Variants in LRP1B observed in about 807,000 individuals in gnomAD.
LRP1B encodes the protein LDL receptor related protein 1B, also known as low-density lipoprotein receptor-related protein 1B.
In LRP1B, 217 loss-of-function variants were observed where a neutral mutation model predicts 556.6. That is an observed-to-expected ratio of 0.39 (90% confidence interval 0.35 to 0.44). The LOEUF is 0.44. Ranked by LOEUF, LRP1B falls within the 20% of genes least tolerant of loss-of-function variation. LRP1B has a pLI of 1.00. For missense variants in LRP1B, 5,053 were observed against 5,620.8 expected (o/e 0.90, Z 3.23); for synonymous variants, 2,047 against 1,865.8 (o/e 1.10, Z -2.50).
intron 35 of LRP1B, among the ~76,000 whole-genome samples, chr2:140,729,018 G>A (rs1032065672): frequency 6.6e-6 from 1 of 151,780 alleles, no homozygotes; most frequent in African/African-American, 2.4e-5. Context: ...AATAAATTTA[G>A]TCATTTCATA....
intron 1 of LRP1B, among the ~76,000 whole-genome samples, chr2:141,878,728 A>T (rs941377065): frequency 1.3e-5 from 2 of 152,064 alleles, no homozygotes; most frequent in African/African-American, 4.8e-5. Flanking sequence ...GGGAAAAGTC[A>T]CTTAAGTTCT....
chr2:142,107,806 T>A (rs953422095), intron 1 of LRP1B, among the ~76,000 whole-genome samples: 2 of 147,052 alleles, frequency 1.4e-5, no homozygotes. Flanking sequence ...TTTTTTTTTT[T>A]TTTTTTTTTT....
intron 11 of LRP1B, among the ~76,000 whole-genome samples, chr2:141,043,897 T>A (rs1451193213): frequency 1.3e-5 from 2 of 151,962 alleles, no homozygotes; most frequent in African/African-American, 4.8e-5. Context: ...AACGCCTTTC[T>A]TCACAGAATT....
At chr2:140,854,060 TAA>T (rs33945219) in intron 27 of LRP1B, among the ~76,000 whole-genome samples, 13,110 of 108,608 alleles carry the variant, frequency 0.12, 444 homozygotes, top group South Asian at 0.14. Flanking sequence ...CATATCTGAA[TAA>T]AAAAAAAAAA....
chr2:142,091,959 A>G lies in LRP1B; in HGVS notation c.82+38689T>C, dbSNP rs570505311. ...TGGCATCCCTTCTTTCCTTTTTTCT[A>G]CTTTGAGTAGAGAAGCTATCTAAAC... On this transcript the variant is annotated intron_variant, in intron 1 of 90. Transcript: ENST00000389484. 3.5e-4 allele frequency among the ~76,000 whole-genome samples: 54 copies of G among 152,142 alleles called. No individual in the cohort carries two copies. In the South Asian group the frequency reaches 3.7e-3, roughly 10 times the overall value.
intron 3 of LRP1B, among the ~76,000 whole-genome samples, chr2:141,451,280 T>G (rs1038930434): frequency 1.3e-5 from 2 of 152,172 alleles, no homozygotes; most frequent in Non-Finnish European, 2.9e-5. Flanking sequence ...GTTCAATAAT[T>G]TGTATCCATC....
chr2:140,601,608 G>T lies in LRP1B; in HGVS notation c.6831C>A (p.His2277Gln). The T allele has an allele frequency of 6.2e-7, 1 of 1,602,852 alleles. No homozygotes were observed. Among genetic ancestry groups the T allele is most frequent in the Non-Finnish European group, 8.5e-7 (1 of 1,173,034 alleles). ...NVGSVEGLAY[H>Q]RAWDTLYWTS... ...TCCAGTACAGTGTATCCCAGGCTCT[G>T]TGATAGGCAAGTCCTTCCACAGAAC... Residue 2277 changes from histidine (H) to glutamine (Q), a missense_variant, in exon 42 of 91, where the codon CAC (histidine) becomes CAA (glutamine). Transcript: ENST00000389484.
chr2:141,132,717 T>TA (rs977911322), intron 7 of LRP1B, among the ~76,000 whole-genome samples: 2 of 151,596 alleles, frequency 1.3e-5, no homozygotes, highest in East Asian at 1.9e-4. Flanking sequence ...CTATCCAACT[T>TA]AAAAAAAAGT....
chr2:141,731,737 A>T (rs1693281992), intron 2 of LRP1B, among the ~76,000 whole-genome samples: 1 of 151,664 alleles, frequency 6.6e-6, no homozygotes, highest in South Asian at 2.1e-4. Flanking sequence ...AAATTACTTA[A>T]CTCTTCTGTA....
At chr2:141,319,459 A>G (rs983810) in intron 3 of LRP1B, among the ~76,000 whole-genome samples, 130,631 of 151,892 alleles carry the variant, frequency 0.86, 56,332 homozygotes, top group Middle Eastern at 0.93. Context: ...AACATATAGT[A>G]TATCACATAC....
At chr2:141,165,623 C>A (rs1558904776) in intron 7 of LRP1B, among the ~76,000 whole-genome samples, 1 of 151,790 alleles carries the variant, frequency 6.6e-6, no homozygotes, top group African/African-American at 2.4e-5. Context: ...TCATTCTCAA[C>A]CATATAATAT....
chr2:141,235,781 T>G (rs997131035), intron 5 of LRP1B, among the ~76,000 whole-genome samples: 12 of 152,164 alleles, frequency 7.9e-5, no homozygotes, highest in Admixed American at 6.6e-5. Flanking sequence ...AGAACATCCC[T>G]TTGATTCGGC....
chr2:141,414,862 A>T (rs1691026841), intron 3 of LRP1B, among the ~76,000 whole-genome samples: 1 of 152,214 alleles, frequency 6.6e-6, no homozygotes, highest in Non-Finnish European at 1.5e-5. Context: ...TCAACAGAAC[A>T]TTTAAATCAA....
chr2:140,522,547 CAGA>C (rs1690226967), intron 49 of LRP1B, among the ~76,000 whole-genome samples: 1 of 151,514 alleles, frequency 6.6e-6, no homozygotes, highest in African/African-American at 2.4e-5. Context: ...CCAGAGTCAA[CAGA>C]AGAAAAAAAC....
At chr2:141,938,432 T>C (rs763295868) in intron 1 of LRP1B, among the ~76,000 whole-genome samples, 15 of 152,050 alleles carry the variant, frequency 9.9e-5, no homozygotes, top group Non-Finnish European at 1.8e-4. Flanking sequence ...ATAAAGAAGA[T>C]AAGAGATAAA....
At chr2:140,362,599 T>C (rs114237848) in intron 72 of LRP1B, among the ~76,000 whole-genome samples, 2,270 of 151,768 alleles carry the variant, frequency 0.015, 27 homozygotes, top group Middle Eastern at 0.037. Context: ...CTTCAGTTCC[T>C]TGAGTAAGCC....
chr2:140,812,618 A>C (rs920815740), intron 32 of LRP1B, among the ~76,000 whole-genome samples: 6 of 151,954 alleles, frequency 3.9e-5, no homozygotes, highest in Non-Finnish European at 8.8e-5. Context: ...TCAAAAAAAA[A>C]CCTCACAAAC....
chr2:141,960,634 G>A (rs891036967), intron 1 of LRP1B, among the ~76,000 whole-genome samples: 12 of 151,834 alleles, frequency 7.9e-5, no homozygotes, highest in African/African-American at 2.9e-4. Flanking sequence ...AACCAGAAAT[G>A]TTTAATTTCC....
intron 35 of LRP1B, among the ~76,000 whole-genome samples, chr2:140,729,438 T>C (rs1687700891): frequency 6.6e-6 from 1 of 152,168 alleles, no homozygotes; most frequent in Non-Finnish European, 1.5e-5. Context: ...AGTCTTATAA[T>C]ATGATTATTT....
Sources: allele counts gnomAD v4.1 joint callset (sites outside exome capture counted in the v4.1 genomes callset), GRCh38; gene constraint gnomAD v4.1.1; transcripts MANE v1.5; gene names NCBI Gene and HGNC (gene_info 2026-07-23, HGNC 2026-07-21).